Variants in RUNX2 observed in about 807,000 individuals in gnomAD.
RUNX2 encodes runt-related transcription factor 2.
In RUNX2, 10 loss-of-function variants were observed where a neutral mutation model predicts 51.7. That is an observed-to-expected ratio of 0.19 (90% CI 0.12 to 0.33). The LOEUF (loss-of-function observed/expected upper bound fraction) is 0.33, where lower values mean the gene tolerates loss of function less well. Among genes scored for constraint, RUNX2 ranks in the 10% least tolerant of loss-of-function variants. The probability of loss-of-function intolerance (pLI) is 1.00; values close to 1 mark genes in which losing one functional copy is unlikely to be tolerated. For synonymous variants in RUNX2, 276 were observed against 273.6 expected (o/e 1.01, Z -0.09); for missense variants, 562 against 691.3 (o/e 0.81, Z 2.10).
chr6:45,423,419 C>T (rs1276960177), intron 3 of RUNX2, among the ~76,000 whole-genome samples: 1 of 152,100 alleles, frequency 6.6e-6, no homozygotes, highest in Non-Finnish European at 1.5e-5. Flanking sequence ...GGCCGCATTG[C>T]GGGCTGCCCG....
At chr6:45,379,870 GAAA>G (rs974881483) in intron 2 of RUNX2, among the ~76,000 whole-genome samples, 5 of 143,808 alleles carry the variant, frequency 3.5e-5, no homozygotes, top group East Asian at 2.0e-4. Flanking sequence ...GTCAAAAAAA[GAAA>G]AAAAAAAATC....
At chr6:45,396,287 A>C (rs1053024030) in intron 2 of RUNX2, among the ~76,000 whole-genome samples, 2 of 152,194 alleles carry the variant, frequency 1.3e-5, no homozygotes, top group Admixed American at 1.3e-4. Flanking sequence ...TCATATTTAC[A>C]TATCATGAAA....
At chr6:45,370,306 G>A (rs555619922) in intron 2 of RUNX2, among the ~76,000 whole-genome samples, 3 of 152,066 alleles carry the variant, frequency 2.0e-5, no homozygotes, top group Non-Finnish European at 2.9e-5. Flanking sequence ...TGAGAGAAGC[G>A]CAGTCAAGGA....
At chr6:45,495,188 A>G (rs139223190) in intron 6 of RUNX2, among the ~76,000 whole-genome samples, 67 of 152,322 alleles carry the variant, frequency 4.4e-4, no homozygotes, top group African/African-American at 1.6e-3. Flanking sequence ...ACCCTGCTAC[A>G]TTGTACATTC....
At chr6:45,454,236 C>T (rs1265091094) in intron 5 of RUNX2, among the ~76,000 whole-genome samples, 4 of 152,200 alleles carry the variant, frequency 2.6e-5, no homozygotes, top group African/African-American at 9.7e-5. Context: ...GAGGGTCAAC[C>T]CACTGTCAGA....
intron 5 of RUNX2, among the ~76,000 whole-genome samples, chr6:45,479,356 G>A (rs868735796): frequency 3.8e-4 from 58 of 152,092 alleles, no homozygotes; most frequent in African/African-American, 1.3e-3. Flanking sequence ...ACTTCCTATT[G>A]CAAAGAAAGG....
chr6:45,471,906 T>A (rs1168510848), intron 5 of RUNX2, among the ~76,000 whole-genome samples: 1 of 152,210 alleles, frequency 6.6e-6, no homozygotes, highest in Non-Finnish European at 1.5e-5. Flanking sequence ...TAGAGGCTGG[T>A]CTTTTTTCTT....
intron 2 of RUNX2, among the ~76,000 whole-genome samples, chr6:45,403,007 C>T (rs1797748017): frequency 6.6e-6 from 1 of 151,992 alleles, no homozygotes; most frequent in Non-Finnish European, 1.5e-5. Flanking sequence ...TTTGGCAGAT[C>T]TATGAGGTTT....
chr6:45,403,239 T>C (rs1286409826), intron 2 of RUNX2, among the ~76,000 whole-genome samples: 1 of 134,636 alleles, frequency 7.4e-6, no homozygotes, highest in South Asian at 2.4e-4. Context: ...CTTTTTTTTT[T>C]TTTTTTTTTT....
intron 2 of RUNX2, among the ~76,000 whole-genome samples, chr6:45,399,725 G>C (rs1342841822): frequency 1.3e-5 from 2 of 150,594 alleles, no homozygotes; most frequent in East Asian, 2.0e-4. Flanking sequence ...GGGAGGTAGG[G>C]AGGCAAGTGG....
At chr6:45,506,198 C>T (rs1163294903) in intron 6 of RUNX2, among the ~76,000 whole-genome samples, 5 of 152,154 alleles carry the variant, frequency 3.3e-5, no homozygotes, top group Non-Finnish European at 7.3e-5. Flanking sequence ...ATCCTCAGGG[C>T]CCGCAGGAGC....
intron 2 of RUNX2, among the ~76,000 whole-genome samples, chr6:45,406,242 C>A (rs1203148265): frequency 6.6e-6 from 1 of 152,104 alleles, no homozygotes; most frequent in Non-Finnish European, 1.5e-5. Flanking sequence ...GGGAACTTAA[C>A]CATAGCATAG....
chr6:45,512,912 C>A (rs1801203900), intron 7 of RUNX2, among the ~76,000 whole-genome samples: 1 of 152,086 alleles, frequency 6.6e-6, no homozygotes, highest in African/African-American at 2.4e-5. Flanking sequence ...TGCTGTGAGG[C>A]CTGGAAGAAT....
chr6:45,440,788 T>A lies in RUNX2; in HGVS notation c.685+2737T>A, dbSNP rs114898518. Among the ~76,000 whole-genome samples the A allele has an allele frequency of 8.9e-3, 1,353 of 152,306 alleles. 18 individuals are homozygous for A. Among genetic ancestry groups the A allele is most frequent in the African/African-American group, 0.031 (1,277 of 41,562 alleles). ...AGTTTGAAGATAATTTTATACAATA[T>A]GTAAATAATTTCGTGGAAGAAACAA... On this transcript the variant is annotated intron_variant, in intron 5 of 8. Transcript: ENST00000647337.
At chr6:45,431,327 G>T (rs1798536211) in intron 3 of RUNX2, among the ~76,000 whole-genome samples, 1 of 152,158 alleles carries the variant, frequency 6.6e-6, no homozygotes, top group African/African-American at 2.4e-5. Flanking sequence ...TGAAGTGCTA[G>T]CCCAAAGTAA....
intron 2 of RUNX2, among the ~76,000 whole-genome samples, chr6:45,412,537 G>A (rs1797973126): frequency 6.6e-6 from 1 of 152,126 alleles, no homozygotes; most frequent in African/African-American, 2.4e-5. Context: ...AAAAACTGTA[G>A]AAAGAGGTTT....
intron 2 of RUNX2, among the ~76,000 whole-genome samples, chr6:45,397,753 C>T (rs1797614320): frequency 1.3e-5 from 2 of 152,132 alleles, no homozygotes. Flanking sequence ...TAAAGAATTA[C>T]TGATAAATTA....
chr6:45,357,197 C>T (rs966417225), intron 2 of RUNX2, among the ~76,000 whole-genome samples: 9 of 152,054 alleles, frequency 5.9e-5, no homozygotes, highest in South Asian at 2.1e-4. Context: ...TTAGTAGAGA[C>T]GGGGTTTCAC....
intron 2 of RUNX2, among the ~76,000 whole-genome samples, chr6:45,398,572 A>G (rs141345790): frequency 2.0e-5 from 3 of 152,348 alleles, no homozygotes; most frequent in African/African-American, 7.2e-5. Flanking sequence ...TTTAACAAGT[A>G]TTTCTTGACC....
Sources: allele counts gnomAD v4.1 joint callset (sites outside exome capture counted in the v4.1 genomes callset), GRCh38; gene constraint gnomAD v4.1.1; transcripts MANE v1.5; gene names NCBI Gene and HGNC (gene_info 2026-07-23, HGNC 2026-07-21).